The following EXOC4 variants were observed in gnomAD, a reference collection of about 807,000 sequenced individuals.
EXOC4 encodes the protein exocyst complex component 4.
A neutral mutation model predicts 107.2 loss-of-function variants in EXOC4; 71 were observed. That is an observed-to-expected ratio of 0.66 (90% CI 0.55 to 0.81). EXOC4 has a LOEUF of 0.81. Among genes scored for constraint, EXOC4 ranks in the 30% least tolerant of loss-of-function variants. The pLI, the probability that EXOC4 is intolerant of heterozygous loss-of-function variation, is 0.00. For synonymous variants in EXOC4, 456 were observed against 441.2 expected, an observed-to-expected ratio of 1.03 and a Z score of -0.42; for missense variants, 1,108 against 1,189.6, an observed-to-expected ratio of 0.93 and a Z score of 1.01.
intron 14 of EXOC4, among the ~76,000 whole-genome samples, chr7:133,963,935 G>A (rs1801004333): frequency 1.3e-5 from 2 of 152,116 alleles, no homozygotes; most frequent in South Asian, 2.1e-4. Flanking sequence ...AGACAATTAT[G>A]GAGAAAAGAA....
At chr7:133,288,857 C>T in intron 2 of EXOC4, 65 bp from the exon 3 acceptor site, 1 of 1,386,098 alleles carries the variant, frequency 7.2e-7, no homozygotes, top group African/African-American at 1.4e-5. Flanking sequence ...AGACTACTAA[C>T]CAGATTATAG....
At chr7:134,087,470 C>G in the EXOC4 span, among the ~76,000 whole-genome samples, 1 of 152,132 alleles carries the variant, frequency 6.6e-6, no homozygotes, top group Non-Finnish European at 1.5e-5. Flanking sequence ...CTTTCCTACA[C>G]AAAGAGTACA....
intron 14 of EXOC4, among the ~76,000 whole-genome samples, chr7:133,995,771 T>A (rs1794375873): frequency 6.6e-6 from 1 of 152,198 alleles, no homozygotes; most frequent in Non-Finnish European, 1.5e-5. Flanking sequence ...AGAGGAGAAC[T>A]TAGCCTTACA....
At chr7:133,850,768 C>T (rs1798226053) in intron 11 of EXOC4, among the ~76,000 whole-genome samples, 1 of 152,066 alleles carries the variant, frequency 6.6e-6, no homozygotes, top group Non-Finnish European at 1.5e-5. Context: ...CCATGACTGG[C>T]CTCCTTTCCT....
At chr7:133,750,888 T>G (rs373679598) in intron 10 of EXOC4, among the ~76,000 whole-genome samples, 1 of 152,218 alleles carries the variant, frequency 6.6e-6, no homozygotes, top group African/African-American at 2.4e-5. Context: ...AGCCTTGAAC[T>G]TTTTTGATGG....
chr7:133,726,627 G>T (rs1331409785), intron 10 of EXOC4, among the ~76,000 whole-genome samples: 1 of 152,190 alleles, frequency 6.6e-6, no homozygotes, highest in Non-Finnish European at 1.5e-5. Context: ...ATTCCTTCAT[G>T]TGTGAAATGC....
intron 1 of EXOC4, among the ~76,000 whole-genome samples, chr7:133,265,371 A>C (rs1375199819): frequency 6.6e-6 from 1 of 151,562 alleles, no homozygotes; most frequent in Non-Finnish European, 1.5e-5. Flanking sequence ...GCGCCACTGC[A>C]CTCCAGCCTG....
intron 10 of EXOC4, among the ~76,000 whole-genome samples, chr7:133,749,083 A>C (rs1273311326): frequency 3.9e-5 from 6 of 152,216 alleles, no homozygotes; most frequent in Non-Finnish European, 7.3e-5. Context: ...GCCTGTTTTC[A>C]TACATGAGAG....
chr7:134,012,445 C>T (rs1488760895), intron 17 of EXOC4, among the ~76,000 whole-genome samples: 1 of 152,168 alleles, frequency 6.6e-6, no homozygotes, highest in Non-Finnish European at 1.5e-5. Context: ...CCAAAGACTA[C>T]AAAGTTTTTG....
At chr7:134,039,453 G>C (rs1226418901) in intron 17 of EXOC4, among the ~76,000 whole-genome samples, 2 of 152,124 alleles carry the variant, frequency 1.3e-5, no homozygotes, top group Non-Finnish European at 2.9e-5. Context: ...TCTTTGGCTG[G>C]CTGTATTTAC....
chr7:133,491,007 A>G (rs1467285097), intron 9 of EXOC4, among the ~76,000 whole-genome samples: 1 of 152,244 alleles, frequency 6.6e-6, no homozygotes, highest in Non-Finnish European at 1.5e-5. Flanking sequence ...CGTTAAAAAT[A>G]GAATGTTCAG....
At chr7:133,279,179 C>T (rs13247327) in intron 2 of EXOC4, among the ~76,000 whole-genome samples, 1 of 152,112 alleles carries the variant, frequency 6.6e-6, no homozygotes, top group Non-Finnish European at 1.5e-5. Context: ...ATAGTATTCC[C>T]TGGTATAGAT....
At chr7:133,468,910 A>G (rs990168503) in intron 7 of EXOC4, among the ~76,000 whole-genome samples, 24 of 152,182 alleles carry the variant, frequency 1.6e-4, no homozygotes. Flanking sequence ...TTGCATTTTA[A>G]AAGAGCAAGT....
At chr7:133,987,444 G>A (rs1794144892) in intron 14 of EXOC4, among the ~76,000 whole-genome samples, 1 of 151,824 alleles carries the variant, frequency 6.6e-6, no homozygotes, top group Non-Finnish European at 1.5e-5. Flanking sequence ...AAAAGAGATG[G>A]AAGGAGGGAA....
intron 15 of EXOC4, among the ~76,000 whole-genome samples, chr7:133,999,904 T>C (rs2116300842): frequency 6.6e-6 from 1 of 152,318 alleles, no homozygotes; most frequent in African/African-American, 2.4e-5. Context: ...GCTTTAGTCA[T>C]TAATTTACAA....
At chr7:133,265,929 CT>C (rs1189266789) in intron 1 of EXOC4, among the ~76,000 whole-genome samples, 4 of 152,132 alleles carry the variant, frequency 2.6e-5, no homozygotes, top group Non-Finnish European at 4.4e-5. Context: ...ATCTGTGTTG[CT>C]TCTGACTAAG....
At chr7:133,883,571 A>G (rs1297215124) in intron 11 of EXOC4, among the ~76,000 whole-genome samples, 2 of 151,648 alleles carry the variant, frequency 1.3e-5, no homozygotes, top group Non-Finnish European at 2.9e-5. Flanking sequence ...TGAGCCCAGG[A>G]GTTTGAGATT....
At chr7:133,729,591 A>G (rs1466618659) in intron 10 of EXOC4, among the ~76,000 whole-genome samples, 1 of 152,138 alleles carries the variant, frequency 6.6e-6, no homozygotes, top group Non-Finnish European at 1.5e-5. Context: ...TGTGATTGAA[A>G]TGATATTATC....
At chr7:133,782,182 G>A (rs1225388969) in intron 10 of EXOC4, among the ~76,000 whole-genome samples, 3 of 152,068 alleles carry the variant, frequency 2.0e-5, no homozygotes, top group Non-Finnish European at 4.4e-5. Context: ...CCAGACATTG[G>A]TAGTTATTTA....
Sources: gnomAD v4.1 joint callset for allele counts (sites outside exome capture counted in the v4.1 genomes callset) on GRCh38, gnomAD v4.1.1 for gene constraint, MANE v1.5 for transcripts, NCBI Gene and HGNC (gene_info 2026-07-23, HGNC 2026-07-21) for gene names.